The following HINT2 variants were observed in gnomAD, a reference collection of about 807,000 sequenced individuals.
The protein encoded by HINT2 is adenosine 5'-monophosphoramidase HINT2.
HINT2 carries 17 observed loss-of-function variants against 20.0 expected under a neutral mutation model. The ratio of observed to expected loss-of-function variants is 0.85; its 90% CI spans 0.58 to 1.27. HINT2 has a LOEUF of 1.27. Ranked by LOEUF, HINT2 falls within the 50% of genes most tolerant of loss-of-function variation. The pLI is 0.00. For synonymous variants in HINT2, 96 were observed against 84.2 expected, an observed-to-expected ratio of 1.14 and a Z score of -0.77; for missense variants, 217 against 211.9, an observed-to-expected ratio of 1.02 and a Z score of -0.15.
At position 35,812,990 on chromosome 9, in the gene HINT2, GGGTCC is replaced by G; in HGVS notation, c.*59_*63del. 8.3e-7 allele frequency: 1 copy of G among 1,205,070 alleles called. No homozygotes were observed. Among genetic ancestry groups the G allele is most frequent in the South Asian group, 1.2e-5 (1 of 83,104 alleles). The allele number at this position is 1,205,070 out of a possible 1,614,324, so 74.6% of individuals were successfully genotyped here. A position where few individuals can be genotyped will look rare whatever the true frequency, so the allele number is the denominator to read the frequency against. On this transcript the variant is annotated 3_prime_UTR_variant, in exon 5 of 5. Transcript: ENST00000259667. ...GGAGAACAGTTTTATTAGCATCACA[GGGTCC>G]ATTTTTCCCTTTCCATCCAAGCATC...
chr9:35,813,019 T>A lies in HINT2; in HGVS notation c.*35A>T. 6.5e-7 allele frequency: 1 copy of A among 1,537,494 alleles called. No individual in the cohort carries two copies. Among genetic ancestry groups the A allele is most frequent in the Non-Finnish European group, 9.0e-7 (1 of 1,110,016 alleles). On this transcript the variant is annotated 3_prime_UTR_variant, in exon 5 of 5. Coordinates refer to ENST00000259667, the MANE Select transcript of HINT2 (RefSeq NM_032593.3). ...CCATTTTTCCCTTTCCATCCAAGCA[T>A]CCAGAGTCTGGTGTCCTTTAATCAG...
upstream of HINT2, chr9:35,815,298 C>T (rs995266185): frequency 9.9e-6 from 3 of 303,520 alleles, no homozygotes; most frequent in African/African-American, 4.4e-5. Context: ...ACTTCCACTC[C>T]ATTGGAAGGA....
chr9:35,813,410 TC>T, intron 3 of HINT2, 34 bp downstream of exon 3: 2 of 1,612,272 alleles, frequency 1.2e-6, no homozygotes, highest in Non-Finnish European at 1.7e-6. Context: ...GTCCAGGGGC[TC>T]CTCCCAGCCA....
chr9:35,813,923 AAAGGGTAGGGCCAG>A (rs1828938466), intron 1 of HINT2, 139 bp from the exon 2 acceptor site: 1 of 948,734 alleles, frequency 1.1e-6, no homozygotes, highest in African/African-American at 1.6e-5. Flanking sequence ...CACCAGCAGC[AAAGGGTAGGGCCAG>A]AAGGTGCTGG....
chr9:35,813,050 A>C lies in HINT2; in HGVS notation c.*4T>G. On this transcript the variant is annotated 3_prime_UTR_variant, in exon 5 of 5. Transcript: ENST00000259667. ...GTCTGGTGTCCTTTAATCAGTTGGCAGGTTCAACCTGGAGGCCACTGGAGC... is the reference window on the plus strand; with the variant it reads ...GTCTGGTGTCCTTTAATCAGTTGGCCGGTTCAACCTGGAGGCCACTGGAGC... The C allele has an allele frequency of 6.2e-7, 1 of 1,612,276 alleles. No individual in the cohort carries two copies. The highest frequency in any genetic ancestry group is 1.7e-5 in the Admixed American group (1 of 60,028).
chr9:35,812,993 T>G lies in HINT2; in HGVS notation c.*61A>C. On this transcript the variant is annotated 3_prime_UTR_variant, in exon 5 of 5. Transcript: ENST00000259667. ...GAACAGTTTTATTAGCATCACAGGG[T>G]CCATTTTTCCCTTTCCATCCAAGCA... The G allele has an allele frequency of 8.1e-7, 1 of 1,235,462 alleles. No homozygotes were observed. Among genetic ancestry groups the G allele is most frequent in the Non-Finnish European group, 1.2e-6 (1 of 834,554 alleles). The allele number at this position is 1,235,462 out of a possible 1,614,324, so 76.5% of individuals were successfully genotyped here. A position where few individuals can be genotyped will look rare whatever the true frequency, so the allele number is the denominator to read the frequency against.
intron 1 of HINT2, chr9:35,814,081 C>T (rs986806950): frequency 3.0e-6 from 1 of 335,670 alleles, no homozygotes; most frequent in Non-Finnish European, 5.5e-6. Context: ...GGTCTCAGTT[C>T]CTACCTTACC....
Position 35,813,639 on chromosome 9 carries a change from C to T in HINT2, c.222+5G>A, listed in dbSNP as rs770414490. 6.2e-7 allele frequency: 1 copy of T among 1,614,028 alleles called. No individual in the cohort carries two copies. Among genetic ancestry groups the T allele is most frequent in the Non-Finnish European group, 8.5e-7 (1 of 1,180,038 alleles). On this transcript the variant is annotated splice_donor_5th_base_variant and intron_variant, in intron 2 of 4. Coordinates refer to ENST00000259667, the MANE Select transcript of HINT2 (RefSeq NM_032593.3). ...CTAAGGGGATAGGTCCTAAGAGCAC[C>T]CCACCTGCTGGTCCTCATAGAGAAT...
rs1828932913 is a variant in HINT2, at chr9:35,813,777, C to T, written c.89G>A (p.Gly30Glu). The change falls in exon 2 of 5, where the codon GGA becomes GAA. Residue 30 changes from glycine to glutamate, a missense_variant. Transcript: ENST00000259667. ...ATTCCCATCAGTCACACCTGCAGCTCCTCGGACCTGAAGGTGGATCGACCA... is the reference window on the plus strand; with the variant it reads ...ATTCCCATCAGTCACACCTGCAGCTTCTCGGACCTGAAGGTGGATCGACCA... ...ATGVRGGQVR[G>E]AAGVTDGNEV... The T allele has an allele frequency of 1.2e-6, 2 of 1,612,436 alleles. No homozygotes were observed. Among genetic ancestry groups the T allele is most frequent in the Non-Finnish European group, 8.5e-7 (1 of 1,179,156 alleles).
Position 35,813,079 on chromosome 9 carries a change from C to A in HINT2, c.467G>T (p.Arg156Leu), listed in dbSNP as rs147846916. The change falls in exon 5 of 5, where the codon CGG becomes CTG. Residue 156 changes from arginine to leucine, a missense_variant. Arg to Leu is a moderately radical substitution (Grantham distance 102). Transcript: ENST00000259667. Reference sequence around the variant, plus strand: ...TCAACCTGGAGGCCACTGGAGCTGCCGGCCCCCAAGTACATGAATGTGCAG... The same window carrying A: ...TCAACCTGGAGGCCACTGGAGCTGCAGGCCCCCAAGTACATGAATGTGCAG... ...YHLHIHVLGG[R>L]QLQWPPG The A allele has an allele frequency of 1.9e-6, 3 of 1,614,140 alleles. No individual in the cohort carries two copies. The South Asian group carries it at 3.3e-5, about 18-fold the overall frequency.
chr9:35,813,890 A>AACTTTCCTCCTGGGT, intron 1 of HINT2, 106 bp from the exon 2 acceptor site: 1 of 1,322,972 alleles, frequency 7.6e-7, no homozygotes, highest in Non-Finnish European at 1.0e-6. Flanking sequence ...CCCACCCAGG[A>AACTTTCCTCCTGGGT]GGAAAGTTCC....
intron 1 of HINT2, chr9:35,814,072 G>A (rs1655636201): frequency 2.7e-6 from 1 of 366,398 alleles, no homozygotes; most frequent in Admixed American, 4.3e-5. Context: ...GGGGATTTTG[G>A]TCTCAGTTCC....
intron 1 of HINT2, chr9:35,814,685 C>T: frequency 2.0e-6 from 1 of 512,766 alleles, no homozygotes; most frequent in South Asian, 2.8e-5. Flanking sequence ...GTCCCGACCT[C>T]GGCGCCCCGG....
chr9:35,814,838 CT>C (rs961426237), intron 1 of HINT2, 60 bp downstream of exon 1: 5 of 1,395,902 alleles, frequency 3.6e-6, no homozygotes, highest in Middle Eastern at 2.2e-4. Flanking sequence ...TCGGGACCCC[CT>C]GGCCCCGGAT....
chr9:35,813,091 A>T lies in HINT2; in HGVS notation c.455T>A (p.Val152Glu). The change falls in exon 5 of 5, where the codon GTA becomes GAA. Residue 152 changes from valine to glutamate, a missense_variant. Coordinates refer to ENST00000259667, the MANE Select transcript of HINT2 (RefSeq NM_032593.3). ...AQSVYHLHIH[V>E]LGGRQLQWPP... Reference sequence around the variant, plus strand: ...CCACTGGAGCTGCCGGCCCCCAAGTACATGAATGTGCAGATGATACACAGA... The same window carrying T: ...CCACTGGAGCTGCCGGCCCCCAAGTTCATGAATGTGCAGATGATACACAGA... 6.2e-7 allele frequency: 1 copy of T among 1,614,224 alleles called. No homozygotes were observed. The highest frequency in any genetic ancestry group is 2.2e-5 in the East Asian group (1 of 44,894).
intron 1 of HINT2, 183 bp from the exon 2 acceptor site, chr9:35,813,967 G>C (rs1003512502): frequency 3.2e-6 from 2 of 625,136 alleles, no homozygotes; most frequent in Non-Finnish European, 5.5e-6. Flanking sequence ...GATAACAGGC[G>C]GTATTATTAT....
rs1828985349 is a variant in HINT2 at position 35,815,005 on chromosome 9, A to G, written c.-26T>C. 1.4e-6 allele frequency: 2 copies of G among 1,432,436 alleles called. No homozygotes were observed. Among genetic ancestry groups the G allele is most frequent in the African/African-American group, 3.0e-5 (2 of 67,104 alleles). 88.7% of individuals were successfully genotyped at this position (1,432,436 alleles called of 1,614,324 possible). A position where few individuals can be genotyped will look rare whatever the true frequency, so the allele number is the denominator to read the frequency against. ...CTTCCCTGAGCCGCGGGAACCTCTCACCCGGGTCAGCACTCGGCTCCGCGG... is the reference window on the plus strand; with the variant it reads ...CTTCCCTGAGCCGCGGGAACCTCTCGCCCGGGTCAGCACTCGGCTCCGCGG... On this transcript the variant is annotated 5_prime_UTR_variant, in exon 1 of 5. Transcript: ENST00000259667.
In HINT2 at chr9:35,813,135, A is replaced by G. The variant is rs1564001281; in HGVS notation, c.411T>C (p.Asp137=). Residue 137 remains aspartate (D), a synonymous_variant, in exon 5 of 5, where the codon GAT becomes GAC. Coordinates refer to ENST00000259667, the MANE Select transcript of HINT2 (RefSeq NM_032593.3). ...ACACAGATTGTGCACCCAGCTTCCC[A>G]TCGTTGATCACTGAAATTGAGCTTG... ...LGDGYRLVIN[D]GKLGAQSVYH... 6.2e-7 allele frequency: 1 copy of G among 1,614,204 alleles called. No homozygotes were observed. The highest frequency in any genetic ancestry group is 8.5e-7 in the Non-Finnish European group (1 of 1,180,024).
intron 1 of HINT2, 170 bp downstream of exon 1, chr9:35,814,729 C>A: frequency 1.7e-6 from 1 of 584,584 alleles, no homozygotes; most frequent in Non-Finnish European, 2.8e-6. Context: ...CCAGCTCGTT[C>A]TCCGGAGCCA....
Sources: gnomAD v4.1 joint callset for allele counts on GRCh38, gnomAD v4.1.1 for gene constraint, MANE v1.5 for transcripts, NCBI Gene and HGNC (gene_info 2026-07-23, HGNC 2026-07-21) for gene names.